The following FLG variants were observed in gnomAD, a reference collection of about 807,000 sequenced individuals.
FLG encodes filaggrin, also known as epidermal filaggrin.
A neutral mutation model predicts 3.8 loss-of-function variants in FLG; 6 were observed. The observed-to-expected ratio is 1.60, with a 90% confidence interval of 0.87 to 3.15. The LOEUF is 3.15. FLG is among the 30% of genes most tolerant of loss of function. The probability of loss-of-function intolerance (pLI) is 0.00; values close to 1 mark genes in which losing one functional copy is unlikely to be tolerated. For synonymous variants in FLG, 2,551 were observed against 1,931.6 expected (o/e 1.32, Z -8.41); for missense variants, 7,595 against 5,050.9 (o/e 1.50, Z -15.27).
At position 152,309,935 on chromosome 1, in the gene FLG, T is replaced by C. The variant is rs770005572; in HGVS notation, c.4951A>G (p.Arg1651Gly). 9.9e-6 allele frequency: 16 copies of C among 1,614,168 alleles called. No individual in the cohort carries two copies. The East Asian group carries it at 3.1e-4, about 31-fold the overall frequency. The change falls in exon 3 of 3, where the codon AGA becomes GGA. Residue 1651 changes from arginine (R) to glycine (G), a missense_variant. Arg to Gly is a moderately radical substitution (Grantham distance 125). Coordinates refer to ENST00000368799, the MANE Select transcript of FLG (RefSeq NM_002016.2). ...TCTGCATGACGAGTGCCTGATTGTC[T>C]GGAGCTCTCTGCAGAGTGCCCATGA... The part of the protein sequence containing the change: ...ASHGHSAESS[R>G]QSGTRHAETS...
chr1:152,307,608 G>C lies in FLG; in HGVS notation c.7278C>G (p.Ser2426=). Residue 2426 remains serine (S), a synonymous_variant, in exon 3 of 3, where the codon TCC becomes TCG. Transcript: ENST00000368799. ...YQVSTHEQSE[S]AHGRTGTSTG... ...TGCTGGTCCCGGTCCGTCCATGGGCGGACTCAGACTGTTCATGAGTGCTCA... is the reference window on the plus strand; with the variant it reads ...TGCTGGTCCCGGTCCGTCCATGGGCCGACTCAGACTGTTCATGAGTGCTCA... 2.5e-6 allele frequency: 4 copies of C among 1,613,028 alleles called. No individual in the cohort carries two copies. Among genetic ancestry groups the C allele is most frequent in the Non-Finnish European group, 2.5e-6 (3 of 1,179,830 alleles).
chr1:152,309,814 C>T lies in FLG; in HGVS notation c.5072G>A (p.Ser1691Asn). 1.2e-6 allele frequency: 2 copies of T among 1,614,114 alleles called. No homozygotes were observed. Among genetic ancestry groups the T allele is most frequent in the Non-Finnish European group, 8.5e-7 (1 of 1,180,016 alleles). Residue 1691 changes from serine (S) to asparagine (N), a missense_variant, in exon 3 of 3, where the codon AGC (serine) becomes AAC (asparagine). Ser to Asn is a conservative substitution (Grantham distance 46). Coordinates refer to ENST00000368799, the MANE Select transcript of FLG (RefSeq NM_002016.2). The part of the protein sequence containing the change: ...HGSRHQQSAD[S>N]STDSGTGRRQ... ...GCGCCCAGTGCCTGAGTCTGTGGAG[C>T]TGTCTGCTGACTGCTGGTGGCGGGA...
intron 1 of FLG, among the ~76,000 whole-genome samples, chr1:152,320,612 A>G (rs1288095942): frequency 1.3e-5 from 2 of 151,198 alleles, no homozygotes; most frequent in African/African-American, 4.8e-5. Flanking sequence ...ATCTACAATC[A>G]TAGTGGGGTA....
Position 152,303,405 on chromosome 1 carries a change from C to T in FLG, c.11481G>A (p.Gly3827=), listed in dbSNP as rs1430644195. ...EQSGDGSRHS[G]SRHHEASTQA... The stretch of plus-strand genomic sequence containing the variant: ...GAGTGGAAGCTTCATGGTGACGCGA[C>T]CCTGAGTGCCTGGAGCCGTCTCCTG... Residue 3827 remains glycine, a synonymous_variant, in exon 3 of 3, where the codon GGG becomes GGA. Coordinates refer to ENST00000368799, the MANE Select transcript of FLG (RefSeq NM_002016.2). The T allele has an allele frequency of 1.2e-6, 2 of 1,613,974 alleles. No homozygotes were observed. The highest frequency in any genetic ancestry group is 1.7e-6 in the Non-Finnish European group (2 of 1,180,028).
At chr1:152,314,912 T>C (rs1417601684) in intron 2 of FLG, 165 bp from the exon 3 acceptor site, 1 of 749,932 alleles carries the variant, frequency 1.3e-6, no homozygotes, top group Non-Finnish European at 2.1e-6. Context: ...TCAGGTGTTA[T>C]ATGTGAACAA....
chr1:152,310,737 T>A lies in FLG; in HGVS notation c.4149A>T (p.Arg1383Ser), dbSNP rs1652348771. Residue 1383 changes from arginine to serine, a missense_variant, in exon 3 of 3, where the codon AGA becomes AGT. Coordinates refer to ENST00000368799, the MANE Select transcript of FLG (RefSeq NM_002016.2). ...IGHRQASSAV[R>S]DSGHRGSSGS... ...CACTGGACCCTCGGTGTCCACTGTC[T>A]CTGACTGCAGATGAAGCTTGTCTGT... 3 of 1,613,886 alleles carry A rather than the reference T, an allele frequency of 1.9e-6. No homozygotes were observed. The South Asian group carries it at 3.3e-5, about 18-fold the overall frequency.
intron 1 of FLG, among the ~76,000 whole-genome samples, chr1:152,323,490 C>A (rs574230734): frequency 6.6e-6 from 1 of 151,484 alleles, no homozygotes; most frequent in African/African-American, 2.4e-5. Flanking sequence ...ACCTTAGGAA[C>A]GTTACAGAAA....
intron 1 of FLG, among the ~76,000 whole-genome samples, chr1:152,318,337 C>A (rs1452721596): frequency 6.6e-6 from 1 of 151,972 alleles, no homozygotes; most frequent in Non-Finnish European, 1.5e-5. Flanking sequence ...AGTGTCATTT[C>A]TCCATCATTA....
At position 152,313,415 on chromosome 1, in the gene FLG, C is replaced by T; in HGVS notation, c.1471G>A (p.Gly491Arg). 1 of 1,613,842 alleles carries T rather than the reference C, an allele frequency of 6.2e-7. No individual in the cohort carries two copies. Among genetic ancestry groups the T allele is most frequent in the East Asian group, 2.2e-5 (1 of 44,830 alleles). The change falls in exon 3 of 3, where the codon GGA (glycine) becomes AGA (arginine). Residue 491 changes from glycine (G) to arginine (R), a missense_variant. Physicochemically the swap from Gly to Arg is moderately radical, Grantham distance 125 (BLOSUM62 -2). Transcript: ENST00000368799. ...AHGRTGTSTG[G>R]RQGSHHEQAR... Reference sequence around the variant, plus strand: ...TGCTCGTGGTGCGATCCTTGTCTTCCTCCAGTGCTGGTCCCGGTCCGTCCA... The same window carrying T: ...TGCTCGTGGTGCGATCCTTGTCTTCTTCCAGTGCTGGTCCCGGTCCGTCCA...
At position 152,309,367 on chromosome 1, in the gene FLG, C is replaced by T; in HGVS notation, c.5519G>A (p.Gly1840Glu). Residue 1840 changes from glycine (G) to glutamate (E), a missense_variant, in exon 3 of 3, where the codon GGG becomes GAG. Gly to Glu is a moderately conservative substitution (Grantham distance 98, BLOSUM62 -2). Transcript: ENST00000368799. ...GGACGTGGTGTGGCTGTGATGAGAC[C>T]CTGAGTGTCCAGAACTATCTACCGA... Reference protein sequence around the residue: ...EQSVDSSGHSGSHHSHTTSQE... With the variant: ...EQSVDSSGHSESHHSHTTSQE... 2 of 1,613,830 alleles carry T rather than the reference C, an allele frequency of 1.2e-6. No individual in the cohort carries two copies. Among genetic ancestry groups the T allele is most frequent in the Non-Finnish European group, 1.7e-6 (2 of 1,179,992 alleles).
At position 152,302,834 on chromosome 1, in the gene FLG, T is replaced by C; in HGVS notation, c.12052A>G (p.Ser4018Gly). Reference protein sequence around the residue: ...FKERSDICKASAFGKDHPRYY... With the variant: ...FKERSDICKAGAFGKDHPRYY... ...CTTGGATGATCTTTACCAAACGCAC[T>C]TGCTTTACAGATATCAGATCTTTCC... The change falls in exon 3 of 3, where the codon AGT becomes GGT. Residue 4018 changes from serine to glycine, a missense_variant. Transcript: ENST00000368799. The C allele has an allele frequency of 6.2e-7, 1 of 1,614,236 alleles. No homozygotes were observed. Among genetic ancestry groups the C allele is most frequent in the Non-Finnish European group, 8.5e-7 (1 of 1,180,034 alleles).
Position 152,309,548 on chromosome 1 carries a change from C to T in FLG, c.5338G>A (p.Gly1780Arg), listed in dbSNP as rs749386933. The change falls in exon 3 of 3, where the codon GGA (glycine) becomes AGA (arginine). Residue 1780 changes from glycine to arginine, a missense_variant. Physicochemically the swap from Gly to Arg is moderately radical, Grantham distance 125. Transcript: ENST00000368799. Reference protein sequence around the residue: ...STHEQSESAHGRTGPSTGGRQ... With the variant: ...STHEQSESAHRRTGPSTGGRQ... Reference sequence around the variant, plus strand: ...CCTCCAGTGCTGGGCCCTGTGCGTCCATGGGCGGACTCAGACTGTTCATGA... The same window carrying T: ...CCTCCAGTGCTGGGCCCTGTGCGTCTATGGGCGGACTCAGACTGTTCATGA... The T allele has an allele frequency of 1.1e-5, 18 of 1,613,802 alleles. No homozygotes were observed. In the South Asian group the frequency reaches 1.9e-4, roughly 17 times the overall value.
Position 152,303,535 on chromosome 1 carries a change from G to T in FLG, c.11351C>A (p.Ser3784Ter), listed in dbSNP as rs1316024952. 1.9e-6 allele frequency: 3 copies of T among 1,614,114 alleles called. No individual in the cohort carries two copies. In the South Asian group the frequency reaches 3.3e-5, roughly 18 times the overall value. ...HEQSVDRSGH[S>*]GSHHSHTTSQ... is the part of the protein sequence containing the mutation. ...TGTGGTGTGGCTGTGATGGGACCCT[G>T]AGTGTCCAGACCTATCTACCGATTG... The change falls in exon 3 of 3, where the codon TCA becomes TAA. Residue 3784 changes from serine to a stop codon, truncating the protein, a stop_gained. Transcript: ENST00000368799. LOFTEE classifies it low-confidence loss of function (END_TRUNC).
In FLG at chr1:152,311,039, A is replaced by T. The variant is rs1479913170; in HGVS notation, c.3847T>A (p.Ser1283Thr). The T allele has an allele frequency of 8.1e-6, 13 of 1,613,674 alleles. No homozygotes were observed. The highest frequency in any genetic ancestry group is 1.1e-5 in the Non-Finnish European group (13 of 1,179,922). Residue 1283 changes from serine to threonine, a missense_variant, in exon 3 of 3, where the codon TCC becomes ACC. Coordinates refer to ENST00000368799, the MANE Select transcript of FLG (RefSeq NM_002016.2). The part of the protein sequence containing the change: ...DSDSERHSDD[S>T]ERLSGSASRN... ...GAAGCAGACCCAGACAACCTCTCGG[A>T]GTCGTCTGAGTGTCTCTCACTGTCA...
Position 152,312,796 on chromosome 1 carries a change from T to C in FLG, c.2090A>G (p.His697Arg), listed in dbSNP as rs1652551033. 6.2e-7 allele frequency: 1 copy of C among 1,613,950 alleles called. No individual in the cohort carries two copies. The highest frequency in any genetic ancestry group is 1.3e-5 in the African/African-American group (1 of 74,826). ...NSSSGQAASS[H>R]EQARSSAGER... ...TCCTGCACTTGATCTTGCCTGTTCA[T>C]GGGATGACGCAGCCTGTCCACTAGA... The change falls in exon 3 of 3, where the codon CAT (histidine) becomes CGT (arginine). Residue 697 changes from histidine (H) to arginine (R), a missense_variant. Physicochemically the swap from His to Arg is conservative, Grantham distance 29. Transcript: ENST00000368799.
Position 152,313,280 on chromosome 1 carries a change from C to A in FLG, c.1606G>T (p.Val536Leu). 15 of 1,613,836 alleles carry A rather than the reference C, an allele frequency of 9.3e-6. No homozygotes were observed. The highest frequency in any genetic ancestry group is 1.3e-5 in the Non-Finnish European group (15 of 1,180,010). The change falls in exon 3 of 3, where the codon GTA becomes TTA. Residue 536 changes from valine (V) to leucine (L), a missense_variant. Physicochemically the swap from Val to Leu is conservative, Grantham distance 32. Coordinates refer to ENST00000368799, the MANE Select transcript of FLG (RefSeq NM_002016.2). ...GRQGSHHEQSVNRSGHSGSHH... is the reference protein window; with the variant it reads ...GRQGSHHEQSLNRSGHSGSHH... Reference sequence around the variant, plus strand: ...GAACCTGAGTGTCCAGACCTATTTACCGATTGCTCGTGGTGGGATCCCTGC... The same window carrying A: ...GAACCTGAGTGTCCAGACCTATTTAACGATTGCTCGTGGTGGGATCCCTGC...
rs1301396969 is a variant in FLG, at chr1:152,305,161, G to T, written c.9725C>A (p.Ser3242Tyr). The change falls in exon 3 of 3, where the codon TCT (serine) becomes TAT (tyrosine). Residue 3242 changes from serine to tyrosine, a missense_variant. Physicochemically the swap from Ser to Tyr is moderately radical, Grantham distance 144. Coordinates refer to ENST00000368799, the MANE Select transcript of FLG (RefSeq NM_002016.2). ...GCCGTGCCTTGACTGCTCCTGAACA[G>T]ATCCACGATGGTTTCTGGAAGCAGA... ...SGSASRNHRG[S>Y]VQEQSRHGSR... is the part of the protein sequence containing the mutation. The T allele has an allele frequency of 6.2e-7, 1 of 1,613,758 alleles. No individual in the cohort carries two copies. Among genetic ancestry groups the T allele is most frequent in the African/African-American group, 1.3e-5 (1 of 74,868 alleles).
Position 152,308,717 on chromosome 1 carries a change from G to T in FLG, c.6169C>A (p.Gln2057Lys). 1 of 1,614,116 alleles carries T rather than the reference G, an allele frequency of 6.2e-7. No homozygotes were observed. The highest frequency in any genetic ancestry group is 1.1e-5 in the South Asian group (1 of 91,074). Residue 2057 changes from glutamine to lysine, a missense_variant, in exon 3 of 3, where the codon CAG becomes AAG. Transcript: ENST00000368799. ...GCTTTTCCCTGTGCTGACACTGACT[G>T]TGTGTCTGAGTCTTCTGAATGTCCC... Reference protein sequence around the residue: ...SEGHSEDSDTQSVSAQGKAGP... With the variant: ...SEGHSEDSDTKSVSAQGKAGP...
chr1:152,302,667 T>C lies in FLG; in HGVS notation c.*33A>G. On this transcript the variant is annotated 3_prime_UTR_variant, in exon 3 of 3. Coordinates refer to ENST00000368799, the MANE Select transcript of FLG (RefSeq NM_002016.2). ...TGAAAGTGAACTTGCTTCATTCTTC[T>C]ATTCTTGGATTAATTCCTTTGCCAT... 2 of 1,611,384 alleles carry C rather than the reference T, an allele frequency of 1.2e-6. No individual in the cohort carries two copies. Among genetic ancestry groups the C allele is most frequent in the Non-Finnish European group, 8.5e-7 (1 of 1,178,770 alleles).
Sources: gnomAD v4.1 joint callset for allele counts (sites outside exome capture counted in the v4.1 genomes callset) on GRCh38, gnomAD v4.1.1 for gene constraint, MANE v1.5 for transcripts, NCBI Gene and HGNC (gene_info 2026-07-23, HGNC 2026-07-21) for gene names.